ZNF343: variants seen among roughly 807,000 people sequenced by gnomAD.
ZNF343 encodes the protein zinc finger protein 343.
Under a neutral mutation model 13.8 loss-of-function variants are expected in ZNF343, and 11 were observed. That is an observed-to-expected ratio of 0.80 (90% CI 0.50 to 1.32). The LOEUF is 1.32. Ranked by LOEUF, ZNF343 falls within the 40% of genes most tolerant of loss-of-function variation. The pLI is 0.00. For synonymous variants in ZNF343, 248 were observed against 260.0 expected, an observed-to-expected ratio of 0.95 and a Z score of 0.44; for missense variants, 658 against 714.2, an observed-to-expected ratio of 0.92 and a Z score of 0.90.
At position 2,483,566 on chromosome 20, in the gene ZNF343, A is replaced by T. The variant is rs770374478; in HGVS notation, c.1395T>A (p.Tyr465Ter). Residue 465 changes from tyrosine to a stop codon, truncating the protein, a stop_gained, in exon 6 of 6, where the codon TAT becomes TAA. Coordinates refer to ENST00000278772, the MANE Select transcript of ZNF343 (RefSeq NM_024325.6). LOFTEE classifies it low-confidence loss of function (END_TRUNC). ...HERTHSGEKP[Y>*]VCGECGRGFS... ...AGCCTCGGCCACACTCACCACACAC[A>T]TAAGGCTTCTCTCCAGAGTGCGTCC... 1.2e-6 allele frequency: 2 copies of T among 1,603,564 alleles called. No individual in the cohort carries two copies. The highest frequency in any genetic ancestry group is 2.8e-5 in the African/African-American group (2 of 71,226).
At chr20:2,493,463 T>G in intron 4 of ZNF343, 56 bp downstream of exon 4, 1 of 1,482,314 alleles carries the variant, frequency 6.7e-7, no homozygotes, top group South Asian at 1.1e-5. Context: ...ATATGTCTAT[T>G]CTCTGGAAAA....
intron 1 of ZNF343, among the ~76,000 whole-genome samples, chr20:2,520,108 A>T (rs1486036565): frequency 6.6e-6 from 1 of 152,218 alleles, no homozygotes; most frequent in Non-Finnish European, 1.5e-5. Flanking sequence ...CTACTAATTC[A>T]ACATAATAGA....
chr20:2,523,179 C>A (rs560686670), intron 1 of ZNF343, among the ~76,000 whole-genome samples: 1 of 152,216 alleles, frequency 6.6e-6, no homozygotes, highest in Non-Finnish European at 1.5e-5. Flanking sequence ...CCACCAGCAC[C>A]ATGACAGTTT....
chr20:2,514,319 A>C (rs1480873236), intron 1 of ZNF343, among the ~76,000 whole-genome samples: 1 of 152,210 alleles, frequency 6.6e-6, no homozygotes, highest in Non-Finnish European at 1.5e-5. Flanking sequence ...CCTCAACTGC[A>C]CTTTTCTTCT....
In ZNF343 at chr20:2,484,316, G is replaced by T. The variant is rs529775469; in HGVS notation, c.645C>A (p.Pro215=). 1.2e-4 allele frequency: 188 copies of T among 1,614,200 alleles called. 2 individuals are homozygous for T. In the South Asian group the frequency reaches 2.0e-3, roughly 17 times the overall value. ...RKGNMVVETE[P]SSAQRPNPVQ... ...CAGGGTTTGGTCTTTGGGCTGAGCTGGGCTCTGTTTCTACCACCATGTTGC... is the reference window on the plus strand; with the variant it reads ...CAGGGTTTGGTCTTTGGGCTGAGCTTGGCTCTGTTTCTACCACCATGTTGC... The change falls in exon 6 of 6, where the codon CCC becomes CCA. Residue 215 remains proline, a synonymous_variant. Transcript: ENST00000278772.
upstream of ZNF343, among the ~76,000 whole-genome samples, chr20:2,511,842 C>A (rs2122749937): frequency 6.6e-6 from 1 of 152,278 alleles, no homozygotes; most frequent in South Asian, 2.1e-4. Flanking sequence ...AAAACTCTTC[C>A]CCTAAGGTCA....
chr20:2,520,760 C>T (rs372655587), intron 1 of ZNF343, among the ~76,000 whole-genome samples: 20 of 152,304 alleles, frequency 1.3e-4, no homozygotes, highest in East Asian at 3.9e-4. Flanking sequence ...TCGTCTTCTA[C>T]GCCGAAAAGT....
At chr20:2,516,805 T>C (rs990465012) in intron 1 of ZNF343, among the ~76,000 whole-genome samples, 2 of 151,878 alleles carry the variant, frequency 1.3e-5, no homozygotes, top group African/African-American at 4.8e-5. Context: ...TATGATCACA[T>C]TGAGGGTCAG....
intron 1 of ZNF343, among the ~76,000 whole-genome samples, chr20:2,521,518 G>T (rs2085782422): frequency 6.6e-6 from 1 of 152,224 alleles, no homozygotes; most frequent in African/African-American, 2.4e-5. Flanking sequence ...CCTGATGGGA[G>T]ACCTCTGGGG....
At chr20:2,496,643 T>C (rs2122640351) in intron 2 of ZNF343, among the ~76,000 whole-genome samples, 1 of 152,028 alleles carries the variant, frequency 6.6e-6, no homozygotes, top group South Asian at 2.1e-4. Flanking sequence ...AGGTGGGAGA[T>C]AATGGTGGTT....
chr20:2,497,645 A>G (rs1443572226), intron 2 of ZNF343, among the ~76,000 whole-genome samples: 1 of 152,250 alleles, frequency 6.6e-6, no homozygotes, highest in Non-Finnish European at 1.5e-5. Flanking sequence ...ATGGAAAAAT[A>G]GAACTGGAGG....
chr20:2,516,857 G>A (rs1243271969), intron 1 of ZNF343, among the ~76,000 whole-genome samples: 4 of 152,108 alleles, frequency 2.6e-5, no homozygotes, highest in South Asian at 2.1e-4. Flanking sequence ...AAGTGTTAGG[G>A]TAAAGGTGGG....
At chr20:2,523,675 T>C (rs925916732) in intron 1 of ZNF343, among the ~76,000 whole-genome samples, 30 of 132,212 alleles carry the variant, frequency 2.3e-4, no homozygotes, top group African/African-American at 7.7e-4. Flanking sequence ...TAGCTATGTG[T>C]ACTTTTTTTT....
rs1408478454 is a variant in ZNF343 at position 2,483,786 on chromosome 20, T to A, written c.1175A>T (p.Asp392Val). The A allele has an allele frequency of 6.2e-7, 1 of 1,613,586 alleles. No homozygotes were observed. Among genetic ancestry groups the A allele is most frequent in the East Asian group, 2.2e-5 (1 of 44,874 alleles). ...VCLECGRSFC[D>V]KSTLRKHQRI... ...CTGGTGTTTTCTGAGGGTTGACTTA[T>A]CACAAAAGCTTCGTCCACACTCCAG... Residue 392 changes from aspartate to valine, a missense_variant, in exon 6 of 6, where the codon GAT becomes GTT. Transcript: ENST00000278772.
chr20:2,506,257 A>G (rs1160500403), intron 1 of ZNF343, among the ~76,000 whole-genome samples: 2 of 152,222 alleles, frequency 1.3e-5, no homozygotes, highest in Non-Finnish European at 2.9e-5. Context: ...ACCATCTCAC[A>G]CCAGTTAGAA....
chr20:2,520,788 G>C (rs191606081), intron 1 of ZNF343, among the ~76,000 whole-genome samples: 7 of 152,166 alleles, frequency 4.6e-5, no homozygotes, highest in African/African-American at 1.7e-4. Flanking sequence ...CACACCATAG[G>C]CAAGTGGCAG....
upstream of ZNF343, among the ~76,000 whole-genome samples, chr20:2,509,630 G>C (rs565660936): frequency 3.3e-5 from 5 of 152,128 alleles, no homozygotes; most frequent in Non-Finnish European, 7.4e-5. Context: ...AACCCCGAGG[G>C]AGGCTGAGGC....
At position 2,482,801 on chromosome 20, in the gene ZNF343, G is replaced by A. The variant is rs1438734663; in HGVS notation, c.*360C>T. The A allele has an allele frequency of 4.2e-6, 1 of 235,472 alleles. No homozygotes were observed. The highest frequency in any genetic ancestry group is 8.3e-6 in the Non-Finnish European group (1 of 120,244). The allele number at this position is 235,472 out of a possible 1,614,324, so 14.6% of individuals were successfully genotyped here. ...CCTGAGTGTCCATTCTTTTACTGAT[G>A]CTCCCCAACACTCCCCAGACAAGGG... On this transcript the variant is annotated 3_prime_UTR_variant, in exon 6 of 6. Transcript: ENST00000278772.
At chr20:2,501,593 G>A (rs867550541) in intron 1 of ZNF343, among the ~76,000 whole-genome samples, 3 of 152,186 alleles carry the variant, frequency 2.0e-5, no homozygotes, top group African/African-American at 7.2e-5. Context: ...TCACATGGAC[G>A]GGTACTCCTC....
Sources: allele counts gnomAD v4.1 joint callset (sites outside exome capture counted in the v4.1 genomes callset), GRCh38; gene constraint gnomAD v4.1.1; transcripts MANE v1.5; gene names NCBI Gene and HGNC (gene_info 2026-07-23, HGNC 2026-07-21).